The following ANKRD11 variants were observed in gnomAD, a reference collection of about 807,000 sequenced individuals.
ANKRD11 encodes ankyrin repeat domain 11.
A neutral mutation model predicts 195.7 loss-of-function variants in ANKRD11; 17 were observed. That is an observed-to-expected ratio of 0.09 (90% CI 0.06 to 0.13). The LOEUF is 0.13. Among genes scored for constraint, ANKRD11 ranks in the 10% least tolerant of loss-of-function variants. The probability of loss-of-function intolerance (pLI) is 1.00; values close to 1 mark genes in which losing one functional copy is unlikely to be tolerated. For synonymous variants in ANKRD11, 1,953 were observed against 1,528.1 expected, an observed-to-expected ratio of 1.28 and a Z score of -6.49; for missense variants, 3,735 against 3,566.1, an observed-to-expected ratio of 1.05 and a Z score of -1.21.
At chr16:89,326,271 G>A (rs937588158) in intron 2 of ANKRD11, among the ~76,000 whole-genome samples, 1 of 152,192 alleles carries the variant, frequency 6.6e-6, no homozygotes, top group African/African-American at 2.4e-5. Context: ...GAAGTGACCA[G>A]CAGAGAGAAA....
At chr16:89,410,670 T>C (rs962078888) in intron 2 of ANKRD11, among the ~76,000 whole-genome samples, 17 of 152,348 alleles carry the variant, frequency 1.1e-4, no homozygotes, top group African/African-American at 3.6e-4. Flanking sequence ...GTTTTATTTT[T>C]CCTAATAAAT....
At chr16:89,454,118 C>T (rs975696885) in intron 1 of ANKRD11, among the ~76,000 whole-genome samples, 1 of 152,120 alleles carries the variant, frequency 6.6e-6, no homozygotes. Context: ...CTTCACAACA[C>T]CCCCTGGCAC....
chr16:89,370,809 G>GC (rs780395435), intron 2 of ANKRD11: 78 of 152,634 alleles, frequency 5.1e-4, no homozygotes, highest in Non-Finnish European at 1.0e-3. Flanking sequence ...GCTGATGTCA[G>GC]CCCCAGACGA....
chr16:89,284,279 C>T lies in ANKRD11; in HGVS notation c.2263G>A (p.Glu755Lys). 6.2e-7 allele frequency: 1 copy of T among 1,613,744 alleles called. No individual in the cohort carries two copies. The highest frequency in any genetic ancestry group is 8.5e-7 in the Non-Finnish European group (1 of 1,179,992). ...TCTTTGTACAGTCTCAGTTTTTCTT[C>T]TTTCGGAGACTTTTCCTTCAGCGAT... is the stretch of plus-strand genomic sequence containing the variant. ...ERSLKEKSPKEEKLRLYKEER... is the reference protein window; with the variant it reads ...ERSLKEKSPKKEKLRLYKEER... The change falls in exon 9 of 13, where the codon GAA becomes AAA. Residue 755 changes from glutamate to lysine, a missense_variant. Glu to Lys is a moderately conservative substitution (Grantham distance 56, BLOSUM62 1). Coordinates refer to ENST00000301030, the MANE Select transcript of ANKRD11 (RefSeq NM_013275.6).
At chr16:89,296,064 C>T (rs534112897) in intron 4 of ANKRD11, among the ~76,000 whole-genome samples, 2 of 132,344 alleles carry the variant, frequency 1.5e-5, no homozygotes, top group African/African-American at 5.7e-5. Flanking sequence ...TCTCAGCTCA[C>T]CGCAGCCTCC....
At chr16:89,322,216 C>T (rs1214509241) in intron 2 of ANKRD11, among the ~76,000 whole-genome samples, 1 of 152,202 alleles carries the variant, frequency 6.6e-6, no homozygotes, top group African/African-American at 2.4e-5. Flanking sequence ...ACACCAAGCC[C>T]CCTTACACCT....
At chr16:89,324,715 G>A in intron 2 of ANKRD11, 1 of 323,238 alleles carries the variant, frequency 3.1e-6, no homozygotes, top group South Asian at 2.4e-5. Flanking sequence ...CAGCTTTTGG[G>A]TTCTTGGACC....
intron 2 of ANKRD11, among the ~76,000 whole-genome samples, chr16:89,363,825 C>CT (rs1462742374): frequency 6.6e-6 from 1 of 152,016 alleles, no homozygotes; most frequent in Non-Finnish European, 1.5e-5. Context: ...GAGGCTGCGG[C>CT]AAGGAGGACT....
At chr16:89,367,328 T>C (rs771287095) in intron 2 of ANKRD11, among the ~76,000 whole-genome samples, 18 of 152,228 alleles carry the variant, frequency 1.2e-4, no homozygotes, top group Non-Finnish European at 2.1e-4. Flanking sequence ...CCCCTCCTCC[T>C]GAGCACAGTG....
chr16:89,271,211 C>A, intron 11 of ANKRD11: 1 of 462,066 alleles, frequency 2.2e-6, no homozygotes, highest in Non-Finnish European at 4.0e-6. Flanking sequence ...AGTCAGAGCT[C>A]AGCCCACTGC....
chr16:89,484,672 T>C (rs2057547408), intron 1 of ANKRD11, among the ~76,000 whole-genome samples: 1 of 152,230 alleles, frequency 6.6e-6, no homozygotes, highest in African/African-American at 2.4e-5. Flanking sequence ...ATAAAGTTAT[T>C]AGGCATTTAC....
At chr16:89,297,373 G>C (rs1357846980) in intron 4 of ANKRD11, 1 of 152,202 alleles carries the variant, frequency 6.6e-6, no homozygotes, top group Admixed American at 6.5e-5. Flanking sequence ...GCCGATGGCG[G>C]TTACAGCTCA....
intron 2 of ANKRD11, among the ~76,000 whole-genome samples, chr16:89,374,527 T>A (rs773845675): frequency 6.6e-6 from 1 of 152,174 alleles, no homozygotes; most frequent in Non-Finnish European, 1.5e-5. Context: ...TCAGAGCCGA[T>A]GGCCTCTGCC....
intron 7 of ANKRD11, chr16:89,288,317 T>C (rs2034794520): frequency 1.3e-6 from 1 of 762,294 alleles, no homozygotes; most frequent in Non-Finnish European, 2.2e-6. Flanking sequence ...TGGCACTTGC[T>C]GGGAAACCTG....
chr16:89,447,798 CTT>C (rs567859448), intron 1 of ANKRD11, among the ~76,000 whole-genome samples: 50 of 148,124 alleles, frequency 3.4e-4, no homozygotes, highest in Non-Finnish European at 5.9e-4. Flanking sequence ...AATACAATAA[CTT>C]TTTCTTTTTT....
At chr16:89,297,366 G>T (rs1024327387) in intron 4 of ANKRD11, 1 of 152,174 alleles carries the variant, frequency 6.6e-6, no homozygotes, top group African/African-American at 2.4e-5. Context: ...GTTCACGGCC[G>T]ATGGCGGTTA....
At position 89,279,031 on chromosome 16, in the gene ANKRD11, C is replaced by G. The variant is rs1437283613; in HGVS notation, c.7470+41G>C. The G allele has an allele frequency of 1.9e-6, 3 of 1,611,398 alleles. No individual in the cohort carries two copies. Among genetic ancestry groups the G allele is most frequent in the Non-Finnish European group, 2.5e-6 (3 of 1,178,992 alleles). On this transcript the variant is annotated intron_variant, in intron 9 of 12. Transcript: ENST00000301030. The surrounding 1 kb of genome is among the most constrained non-coding windows in gnomAD (Gnocchi z 5.6). Reference sequence around the variant, plus strand: ...GTGACTAGGGGCCCCAGACGCATCCCAGAGAGAGAAGGCAGTGGCTCTCCC... The same window carrying G: ...GTGACTAGGGGCCCCAGACGCATCCGAGAGAGAGAAGGCAGTGGCTCTCCC...
chr16:89,368,371 G>GTTTTTTTTTT, intron 2 of ANKRD11, among the ~76,000 whole-genome samples: 2 of 56,614 alleles, frequency 3.5e-5, no homozygotes, highest in Admixed American at 3.3e-4. Flanking sequence ...TAATTTTTGT[G>GTTTTTTTTTT]TTTTTTTTTT....
chr16:89,473,646 G>A (rs1373926148), intron 1 of ANKRD11, among the ~76,000 whole-genome samples: 2 of 152,180 alleles, frequency 1.3e-5, no homozygotes, highest in Non-Finnish European at 2.9e-5. Flanking sequence ...AGACTGATAC[G>A]TCATGGAGGA....
Sources: allele counts gnomAD v4.1 joint callset (sites outside exome capture counted in the v4.1 genomes callset), GRCh38; gene constraint gnomAD v4.1.1; non-coding constraint Gnocchi (gnomAD v3.1); transcripts MANE v1.5; gene names NCBI Gene and HGNC (gene_info 2026-07-23, HGNC 2026-07-21).